Variants in ZC3H7B observed in about 807,000 individuals in gnomAD.
The protein encoded by ZC3H7B is zinc finger CCCH domain-containing protein 7B.
ZC3H7B carries 35 observed loss-of-function variants against 116.0 expected under a neutral mutation model. The observed-to-expected ratio is 0.30, with a 90% CI of 0.23 to 0.40. The LOEUF (loss-of-function observed/expected upper bound fraction) is 0.40. Among genes scored for constraint, ZC3H7B ranks in the 10% least tolerant of loss-of-function variants. The probability of loss-of-function intolerance (pLI) is 1.00; values close to 1 mark genes in which losing one functional copy is unlikely to be tolerated. For missense variants in ZC3H7B, 1,011 were observed against 1,321.5 expected, an observed-to-expected ratio of 0.77 and a Z score of 3.64; for synonymous variants, 502 against 545.6, an observed-to-expected ratio of 0.92 and a Z score of 1.11.
chr22:41,313,175 G>A (rs572391258), intron 1 of ZC3H7B, among the ~76,000 whole-genome samples: 20 of 138,934 alleles, frequency 1.4e-4, no homozygotes, highest in African/African-American at 3.9e-4. Flanking sequence ...CTGGAGTGCA[G>A]TGGCGCGATA....
At chr22:41,347,968 G>A (rs2036608728) in intron 14 of ZC3H7B, 99 bp from the exon 15 acceptor site, 1 of 1,017,034 alleles carries the variant, frequency 9.8e-7, no homozygotes, top group South Asian at 1.3e-5. Flanking sequence ...AGGGCTTGCA[G>A]GGACCCAGCT....
chr22:41,347,497 C>T (rs1249835550), intron 14 of ZC3H7B, among the ~76,000 whole-genome samples: 3 of 152,206 alleles, frequency 2.0e-5, no homozygotes, highest in African/African-American at 7.2e-5. Context: ...CTGAAGACCC[C>T]GCTTGGCCTC....
chr22:41,353,299 G>C (rs1040719493), intron 17 of ZC3H7B, among the ~76,000 whole-genome samples: 2 of 152,148 alleles, frequency 1.3e-5, no homozygotes, highest in Non-Finnish European at 2.9e-5. Context: ...ACACTGAGTG[G>C]GGCAATTCCC....
At chr22:41,348,020 T>C in intron 14 of ZC3H7B, 47 bp from the exon 15 acceptor site, 1 of 1,558,340 alleles carries the variant, frequency 6.4e-7, no homozygotes, top group South Asian at 1.1e-5. Flanking sequence ...GCTCACCCCC[T>C]TCCCAGGTGG....
chr22:41,355,445 A>G (rs750901324), intron 17 of ZC3H7B, 24 bp from the exon 18 acceptor site: 8 of 1,612,350 alleles, frequency 5.0e-6, no homozygotes, highest in South Asian at 4.4e-5. Flanking sequence ...AGCTTCACCA[A>G]CCCCCCTCCC....
In ZC3H7B at chr22:41,339,008, C is replaced by A; in HGVS notation, c.633C>A (p.Tyr211Ter). ...GSIDDIETDC[Y>*]VDPRGSPALL... ...TGCCCACCCCATCCGCAGACTGCTA[C>A]GTGGACCCTCGAGGCTCCCCAGCCC... is the stretch of plus-strand genomic sequence containing the variant. Residue 211 changes from tyrosine to a stop codon, truncating the protein, a stop_gained, in exon 9 of 23, where the codon TAC becomes TAA. Coordinates refer to ENST00000352645, the MANE Select transcript of ZC3H7B (RefSeq NM_017590.6). LOFTEE classifies it high-confidence loss of function. 2 of 1,584,802 alleles carry A rather than the reference C, an allele frequency of 1.3e-6. No homozygotes were observed. The highest frequency in any genetic ancestry group is 1.7e-6 in the Non-Finnish European group (2 of 1,162,926).
Position 41,325,758 on chromosome 22 carries a change from A to T in ZC3H7B, c.125A>T (p.Glu42Val). The change falls in exon 4 of 23, where the codon GAG (glutamate) becomes GTG (valine). Residue 42 changes from glutamate (E) to valine (V), a missense_variant. Glu to Val is a moderately radical substitution (Grantham distance 121). Around this residue, in one of 5 missense-constraint regions of ZC3H7B, gnomAD observed 322 missense variants for 443.9 expected, o/e 0.73. Coordinates refer to ENST00000352645, the MANE Select transcript of ZC3H7B (RefSeq NM_017590.6). ...LLKLVQNLFA[E>V]GNDLFREKDY... Reference sequence around the variant, plus strand: ...AAGCTGGTGCAGAATCTGTTTGCTGAGGGCAATGATCTGTTCCGGGAGAAG... The same window carrying T: ...AAGCTGGTGCAGAATCTGTTTGCTGTGGGCAATGATCTGTTCCGGGAGAAG... 6.2e-7 allele frequency: 1 copy of T among 1,613,964 alleles called. No individual in the cohort carries two copies. The highest frequency in any genetic ancestry group is 8.5e-7 in the Non-Finnish European group (1 of 1,179,982).
Position 41,325,820 on chromosome 22 carries a change from C to G in ZC3H7B, c.187C>G (p.Leu63Val), listed in dbSNP as rs1325307956. Residue 63 changes from leucine (L) to valine (V), a missense_variant, in exon 4 of 23, where the codon CTG (leucine) becomes GTG (valine). Physicochemically the swap from Leu to Val is conservative, Grantham distance 32 (BLOSUM62 1). This residue lies in a region of ZC3H7B where 322 missense variants were observed against 443.9 expected (regional missense o/e 0.73). Transcript: ENST00000352645. ...KQALVQYMEGLNVADYAASDQ... is the reference protein window; with the variant it reads ...KQALVQYMEGVNVADYAASDQ... ...GGCTCTGGTGCAGTACATGGAAGGG[C>G]TGAACGTGGCCGACTACGCTGCCTC... 1 of 1,613,552 alleles carries G rather than the reference C, an allele frequency of 6.2e-7. No homozygotes were observed. Among genetic ancestry groups the G allele is most frequent in the Non-Finnish European group, 8.5e-7 (1 of 1,179,922 alleles).
intron 12 of ZC3H7B, 132 bp downstream of exon 12, chr22:41,342,760 G>C: frequency 1.1e-6 from 1 of 923,358 alleles, no homozygotes; most frequent in Non-Finnish European, 1.6e-6. Context: ...CCCCTCTGGG[G>C]CAGAAAAGGA....
chr22:41,340,049 C>A lies in ZC3H7B; in HGVS notation c.1050C>A (p.Asp350Glu). The part of the protein sequence containing the change: ...DPPGPTLDPL[D>E]LLPYSETRLD... Reference sequence around the variant, plus strand: ...CGGGCCCCACGCTGGACCCCCTGGACCTGCTGCCGTACTCGGAGACCCGGC... The same window carrying A: ...CGGGCCCCACGCTGGACCCCCTGGAACTGCTGCCGTACTCGGAGACCCGGC... Residue 350 changes from aspartate to glutamate, a missense_variant, in exon 10 of 23, where the codon GAC becomes GAA. Coordinates refer to ENST00000352645, the MANE Select transcript of ZC3H7B (RefSeq NM_017590.6). 1 of 1,611,772 alleles carries A rather than the reference C, an allele frequency of 6.2e-7. No homozygotes were observed. Among genetic ancestry groups the A allele is most frequent in the Non-Finnish European group, 8.5e-7 (1 of 1,179,984 alleles).
At position 41,357,519 on chromosome 22, in the gene ZC3H7B, G is replaced by T. The variant is rs988942308; in HGVS notation, c.*90G>T. The T allele has an allele frequency of 9.8e-7, 1 of 1,015,310 alleles. No homozygotes were observed. The highest frequency in any genetic ancestry group is 1.4e-6 in the Non-Finnish European group (1 of 717,252). 62.9% of individuals were successfully genotyped at this position (1,015,310 alleles called of 1,614,324 possible). A position where few individuals can be genotyped will look rare whatever the true frequency, so the allele number is the denominator to read the frequency against. On this transcript the variant is annotated 3_prime_UTR_variant, in exon 23 of 23. Coordinates refer to ENST00000352645, the MANE Select transcript of ZC3H7B (RefSeq NM_017590.6). This position sits in a 1 kb window ranked among gnomAD's most constrained non-coding sequence, Gnocchi z 5.4. ...TAGAAGGGTCAGGGCAGGCCAGGGG[G>T]GTGGGGGGCCGCCCTCATCAGGCAG...
intron 1 of ZC3H7B, among the ~76,000 whole-genome samples, chr22:41,314,544 C>T (rs1250007176): frequency 6.6e-6 from 1 of 152,096 alleles, no homozygotes; most frequent in Admixed American, 6.6e-5. Context: ...CACTTCGCCT[C>T]CCAAAGTGCT....
Position 41,355,753 on chromosome 22 carries a change from G to T in ZC3H7B, c.2169-4G>T. The stretch of plus-strand genomic sequence containing the variant: ...CCTCTCCCCAACCCTGCTCTGTCCT[G>T]CAGCTGGACCAAGGAGCGGCGGGTC... On this transcript the variant is annotated splice_polypyrimidine_tract_variant and splice_region_variant and intron_variant, in intron 18 of 22. Coordinates refer to ENST00000352645, the MANE Select transcript of ZC3H7B (RefSeq NM_017590.6). The T allele has an allele frequency of 1.2e-6, 2 of 1,613,992 alleles. No homozygotes were observed. The highest frequency in any genetic ancestry group is 1.7e-6 in the Non-Finnish European group (2 of 1,180,010).
intron 1 of ZC3H7B, among the ~76,000 whole-genome samples, chr22:41,303,732 A>C (rs2145890338): frequency 6.6e-6 from 1 of 152,228 alleles, no homozygotes; most frequent in South Asian, 2.1e-4. Flanking sequence ...CCACCTTAGC[A>C]AGTTACTTTT....
At chr22:41,344,229 T>G (rs1378245461) in intron 13 of ZC3H7B, among the ~76,000 whole-genome samples, 2 of 151,946 alleles carry the variant, frequency 1.3e-5, no homozygotes, top group African/African-American at 2.4e-5. Context: ...GCTTTGAGAG[T>G]GCACCCACGG....
At chr22:41,356,558 C>G (rs2036720758) in intron 21 of ZC3H7B, 82 bp downstream of exon 21, 1 of 1,608,408 alleles carries the variant, frequency 6.2e-7, no homozygotes, top group Non-Finnish European at 8.5e-7. Context: ...CCTGGAGGGC[C>G]CAGCCGGCCA....
Position 41,355,848 on chromosome 22 carries a change from C to T in ZC3H7B, c.2260C>T (p.Pro754Ser), listed in dbSNP as rs750121037. Reference sequence around the variant, plus strand: ...GCCACTGCCATCCATTCGTAACTTCCCACAGCAATACGATGTGAGCGCTGG... The same window carrying T: ...GCCACTGCCATCCATTCGTAACTTCTCACAGCAATACGATGTGAGCGCTGG... ...VRPLPSIRNF[P>S]QQYDLCIHAQ... The change falls in exon 19 of 23, where the codon CCA becomes TCA. Residue 754 changes from proline to serine, a missense_variant. This residue lies in a region of ZC3H7B where 406 missense variants were observed against 590.2 expected (regional missense o/e 0.69). Transcript: ENST00000352645. The T allele has an allele frequency of 3.8e-5, 61 of 1,613,782 alleles. No individual in the cohort carries two copies. The highest frequency in any genetic ancestry group is 5.2e-5 in the Non-Finnish European group (61 of 1,180,004).
rs1009267017 is a variant in ZC3H7B at position 41,357,612 on chromosome 22, C to T, written c.*183C>T. ...GCCCCGGTGTGCGTACCCAGGCGCA[C>T]GTGCTGCAGCCCCCGGAGGCCCCGC... On this transcript the variant is annotated 3_prime_UTR_variant, in exon 23 of 23. Coordinates refer to ENST00000352645, the MANE Select transcript of ZC3H7B (RefSeq NM_017590.6). This position sits in a 1 kb window ranked among gnomAD's most constrained non-coding sequence, Gnocchi z 5.4. 2.1e-5 allele frequency: 18 copies of T among 844,720 alleles called. No homozygotes were observed. The highest frequency in any genetic ancestry group is 1.1e-4 in the East Asian group (4 of 37,262). The allele number at this position is 844,720 out of a possible 1,614,324, so 52.3% of individuals were successfully genotyped here. A position where few individuals can be genotyped will look rare whatever the true frequency, so the allele number is the denominator to read the frequency against.
In ZC3H7B at chr22:41,356,762, G is replaced by T. The variant is rs748889337; in HGVS notation, c.2635G>T (p.Gly879Cys). ...CTTCACGTCCGACAGTGACGCCAGCGGCTGGGCCTTCCGCTTCCCCATGGG... is the reference window on the plus strand; with the variant it reads ...CTTCACGTCCGACAGTGACGCCAGCTGCTGGGCCTTCCGCTTCCCCATGGG... ...KVFTSDSDAS[G>C]WAFRFPMGEF... The change falls in exon 22 of 23, where the codon GGC becomes TGC. Residue 879 changes from glycine to cysteine, a missense_variant. Coordinates refer to ENST00000352645, the MANE Select transcript of ZC3H7B (RefSeq NM_017590.6). 3.1e-6 allele frequency: 5 copies of T among 1,613,616 alleles called. No individual in the cohort carries two copies. In the Admixed American group the frequency reaches 8.3e-5, roughly 27 times the overall value.
Sources: gnomAD v4.1 joint callset for allele counts (sites outside exome capture counted in the v4.1 genomes callset) on GRCh38, gnomAD v4.1.1 for gene constraint, gnomAD v4.1.1 regional missense constraint, Gnocchi (gnomAD v3.1) non-coding constraint, MANE v1.5 for transcripts, NCBI Gene and HGNC (gene_info 2026-07-23, HGNC 2026-07-21) for gene names.